SEL1L3: variants seen among roughly 807,000 people sequenced by gnomAD.
The protein encoded by SEL1L3 is SEL1L family member 3, also known as protein sel-1 homolog 3.
A neutral mutation model predicts 142.8 loss-of-function variants in SEL1L3; 76 were observed. That is an observed-to-expected ratio of 0.53 (90% CI 0.44 to 0.64). SEL1L3 has a LOEUF of 0.64. SEL1L3 is among the 30% of genes least tolerant of loss of function. The pLI, the probability that SEL1L3 is intolerant of heterozygous loss-of-function variation, is 0.00. For missense variants in SEL1L3, 1,262 were observed against 1,381.7 expected (o/e 0.91, Z 1.37); for synonymous variants, 504 against 519.6 (o/e 0.97, Z 0.41).
At chr4:25,858,672 C>A (rs889318906) in intron 1 of SEL1L3, among the ~76,000 whole-genome samples, 1 of 151,998 alleles carries the variant, frequency 6.6e-6, no homozygotes, top group African/African-American at 2.4e-5. Context: ...TGTAACCTCT[C>A]CCTCCTGGGT....
upstream of SEL1L3, chr4:25,863,367 TC>T (rs1717886083): frequency 4.5e-6 from 3 of 660,994 alleles, no homozygotes; most frequent in African/African-American, 5.5e-5. Context: ...TTTCTCCTTT[TC>T]CTCCCTTTCC....
chr4:25,722,056 C>T, the SEL1L3 span, among the ~76,000 whole-genome samples: 3 of 151,938 alleles, frequency 2.0e-5, no homozygotes, highest in South Asian at 2.1e-4. Flanking sequence ...TGTGTGCACA[C>T]GAGTTTACAG....
chr4:25,781,264 T>G (rs1719982015), intron 15 of SEL1L3, among the ~76,000 whole-genome samples: 1 of 152,188 alleles, frequency 6.6e-6, no homozygotes, highest in Admixed American at 6.5e-5. Flanking sequence ...GATCAGGGAC[T>G]GTTTTGCCTG....
chr4:25,761,625 A>G (rs1718386209), intron 20 of SEL1L3, among the ~76,000 whole-genome samples: 1 of 152,248 alleles, frequency 6.6e-6, no homozygotes, highest in African/African-American at 2.4e-5. Context: ...AAAGTGTCAA[A>G]ATTCCAACAG....
At chr4:25,738,585 T>C in the SEL1L3 span, among the ~76,000 whole-genome samples, 1 of 152,302 alleles carries the variant, frequency 6.6e-6, no homozygotes, top group East Asian at 1.9e-4. Context: ...TCAAAGACAC[T>C]CAGGTTGTGG....
intron 2 of SEL1L3, among the ~76,000 whole-genome samples, chr4:25,839,165 T>A (rs189455842): frequency 1.3e-5 from 2 of 152,192 alleles, no homozygotes; most frequent in African/African-American, 4.8e-5. Flanking sequence ...CAGTGGCCAA[T>A]AAGGTGTTTA....
chr4:25,838,368 A>C (rs1299477693), intron 2 of SEL1L3, among the ~76,000 whole-genome samples: 1 of 152,200 alleles, frequency 6.6e-6, no homozygotes, highest in Non-Finnish European at 1.5e-5. Context: ...ATTTTAGAGC[A>C]AGAAGAGGCA....
chr4:25,805,409 G>A (rs763817610), intron 9 of SEL1L3, among the ~76,000 whole-genome samples: 6 of 152,170 alleles, frequency 3.9e-5, no homozygotes, highest in Non-Finnish European at 7.3e-5. Context: ...CTTGTCTAAA[G>A]TTACAAAGGC....
chr4:25,731,664 C>A, the SEL1L3 span, among the ~76,000 whole-genome samples: 31 of 152,300 alleles, frequency 2.0e-4, no homozygotes, highest in African/African-American at 7.2e-4. Context: ...ATTAATAGTT[C>A]ATTCCTTCTT....
chr4:25,819,841 C>G lies in SEL1L3; in HGVS notation c.1390G>C (p.Ala464Pro). Residue 464 changes from alanine (A) to proline (P), a missense_variant, in exon 8 of 24, where the codon GCA (alanine) becomes CCA (proline). Ala to Pro is a conservative substitution (Grantham distance 27). Coordinates refer to ENST00000399878, the MANE Select transcript of SEL1L3 (RefSeq NM_015187.5). ...VQEIVSVYASAAKHGGERQEA... is the reference protein window; with the variant it reads ...VQEIVSVYASPAKHGGERQEA... ...TGTCTCTCGCCCCCGTGCTTTGCTG[C>G]AGATGCATACACAGATACTATTTCT... The G allele has an allele frequency of 6.2e-7, 1 of 1,612,640 alleles. No individual in the cohort carries two copies. The highest frequency in any genetic ancestry group is 8.5e-7 in the Non-Finnish European group (1 of 1,179,394).
At chr4:25,739,949 CTGAA>C in the SEL1L3 span, among the ~76,000 whole-genome samples, 1 of 151,084 alleles carries the variant, frequency 6.6e-6, no homozygotes, top group African/African-American at 2.4e-5. Flanking sequence ...TATTTTTTAA[CTGAA>C]TTAATTAATT....
chr4:25,804,218 C>T (rs955048783), intron 10 of SEL1L3, among the ~76,000 whole-genome samples: 3 of 152,164 alleles, frequency 2.0e-5, no homozygotes, highest in African/African-American at 4.8e-5. Context: ...AATGGTCTCA[C>T]AGGCAGAGTA....
At chr4:25,841,278 C>A (rs1188852755) in intron 2 of SEL1L3, among the ~76,000 whole-genome samples, 2 of 152,228 alleles carry the variant, frequency 1.3e-5, no homozygotes, top group South Asian at 4.1e-4. Context: ...AAGTGATCTG[C>A]CTGCCTCAGC....
chr4:25,721,274 G>T, the SEL1L3 span, among the ~76,000 whole-genome samples: 1 of 151,774 alleles, frequency 6.6e-6, no homozygotes, highest in African/African-American at 2.4e-5. Flanking sequence ...TGCTAATTAA[G>T]TCTGCAAGGA....
intron 23 of SEL1L3, among the ~76,000 whole-genome samples, chr4:25,752,692 C>T (rs1286174598): frequency 6.6e-6 from 1 of 152,206 alleles, no homozygotes; most frequent in Non-Finnish European, 1.5e-5. Context: ...GCAATCTGGG[C>T]TCTCTGCAGC....
intron 5 of SEL1L3, among the ~76,000 whole-genome samples, chr4:25,831,740 G>A (rs1482300406): frequency 2.0e-5 from 3 of 151,890 alleles, no homozygotes; most frequent in African/African-American, 7.3e-5. Flanking sequence ...GGCCAGGCTG[G>A]TCTCCTGACC....
chr4:25,790,660 AAGGAAGGGAGGGAGGGAGG>A, intron 11 of SEL1L3, 86 bp from the exon 12 acceptor site: 1 of 33,926 alleles, frequency 2.9e-5, no homozygotes, highest in Admixed American at 3.4e-4. Flanking sequence ...GGAAGGAAGG[AAGGAAGGGAGGGAGGGAGG>A]GAGGGAGGGA....
the SEL1L3 span, among the ~76,000 whole-genome samples, chr4:25,739,760 A>ATGTGTG: frequency 4.4e-4 from 64 of 146,536 alleles, no homozygotes; most frequent in Middle Eastern, 3.5e-3. Flanking sequence ...AGAAAAAATA[A>ATGTGTG]TGTGTGTGTG....
chr4:25,768,705 T>C (rs1296330531), intron 17 of SEL1L3, among the ~76,000 whole-genome samples: 1 of 152,128 alleles, frequency 6.6e-6, no homozygotes, highest in Non-Finnish European at 1.5e-5. Context: ...CAGAGACTAG[T>C]GAAATTAACC....
Sources: gnomAD v4.1 joint callset for allele counts (sites outside exome capture counted in the v4.1 genomes callset) on GRCh38, gnomAD v4.1.1 for gene constraint, MANE v1.5 for transcripts, NCBI Gene and HGNC (gene_info 2026-07-23, HGNC 2026-07-21) for gene names.